The following GLG1 variants were observed in gnomAD, a reference collection of about 807,000 sequenced individuals.
GLG1 encodes the protein Golgi apparatus protein 1.
In GLG1, 38 loss-of-function variants were observed where a neutral mutation model predicts 160.5. That is an observed-to-expected ratio of 0.24 (90% confidence interval 0.18 to 0.31). GLG1 has a LOEUF of 0.31. GLG1 is among the 10% of genes least tolerant of loss of function. The probability of loss-of-function intolerance (pLI) is 1.00; values close to 1 mark genes in which losing one functional copy is unlikely to be tolerated. For synonymous variants in GLG1, 644 were observed against 543.4 expected, an observed-to-expected ratio of 1.19 and a Z score of -2.57; for missense variants, 1,373 against 1,505.2, an observed-to-expected ratio of 0.91 and a Z score of 1.45.
chr16:74,583,466 C>CA (rs1371674140), intron 1 of GLG1, among the ~76,000 whole-genome samples: 1 of 152,166 alleles, frequency 6.6e-6, no homozygotes, highest in African/African-American at 2.4e-5. Flanking sequence ...CTGCAACCTC[C>CA]ATCTCCCGGG....
At chr16:74,521,595 G>A (rs1164783361) in intron 2 of GLG1, among the ~76,000 whole-genome samples, 1 of 152,160 alleles carries the variant, frequency 6.6e-6, no homozygotes, top group Non-Finnish European at 1.5e-5. Context: ...AAGACTACAG[G>A]AAGAGAAGGT....
intron 3 of GLG1, among the ~76,000 whole-genome samples, chr16:74,504,022 G>C (rs1416798031): frequency 6.6e-6 from 1 of 152,164 alleles, no homozygotes; most frequent in Non-Finnish European, 1.5e-5. Flanking sequence ...CAAATGCTTA[G>C]GTAATGCTCA....
intron 16 of GLG1, 150 bp downstream of exon 16, chr16:74,469,835 T>C: frequency 3.1e-6 from 2 of 642,722 alleles, no homozygotes; most frequent in Non-Finnish European, 5.7e-6. Context: ...ACAGTCCGAG[T>C]GTTTGCCACG....
intron 1 of GLG1, chr16:74,563,161 G>A (rs1239695194): frequency 2.6e-5 from 4 of 152,138 alleles, no homozygotes; most frequent in Non-Finnish European, 4.4e-5. Context: ...GGGTCTTATG[G>A]TGCACCAATG....
At chr16:74,456,627 A>G in intron 25 of GLG1, 22 bp downstream of exon 25, 1 of 1,479,904 alleles carries the variant, frequency 6.8e-7, no homozygotes, top group Non-Finnish European at 9.4e-7. Flanking sequence ...TTTTTAAAAA[A>G]GGAGATTCTC....
At chr16:74,471,646 G>C (rs1328007093) in intron 14 of GLG1, among the ~76,000 whole-genome samples, 2 of 152,140 alleles carry the variant, frequency 1.3e-5, no homozygotes, top group African/African-American at 2.4e-5. Flanking sequence ...ATATGAAATA[G>C]TCAGAATTCA....
At chr16:74,593,194 T>C (rs568259438) in intron 1 of GLG1, among the ~76,000 whole-genome samples, 2 of 152,254 alleles carry the variant, frequency 1.3e-5, no homozygotes, top group Non-Finnish European at 1.5e-5. Flanking sequence ...TATTCTGTTA[T>C]AGCAACACAA....
In GLG1 at chr16:74,493,123, T is replaced by C; in HGVS notation, c.1068A>G (p.Thr356=). The C allele has an allele frequency of 6.2e-7, 1 of 1,612,020 alleles. No homozygotes were observed. The highest frequency in any genetic ancestry group is 1.3e-5 in the African/African-American group (1 of 74,930). The change falls in exon 7 of 26, where the codon ACA becomes ACG. Residue 356 remains threonine, a synonymous_variant. Coordinates refer to ENST00000422840, the MANE Select transcript of GLG1 (RefSeq NM_001145667.2). ...SMSEKCREAL[T]TRQKLIAQDY... ...CCTGGGCAATCAGCTTTTGGCGGGT[T>C]GTAAGTGCTTCTCGACACTGAGGAA...
intron 1 of GLG1, among the ~76,000 whole-genome samples, chr16:74,584,011 A>G (rs900574971): frequency 1.3e-5 from 2 of 152,160 alleles, no homozygotes; most frequent in African/African-American, 4.8e-5. Context: ...CTCCTTTGCT[A>G]CTAGTCTCCT....
chr16:74,495,733 T>G (rs558072922), intron 5 of GLG1, among the ~76,000 whole-genome samples: 476 of 152,230 alleles, frequency 3.1e-3, no homozygotes, highest in Non-Finnish European at 5.7e-3. Flanking sequence ...AGATCCTGGG[T>G]AAAATAAAAT....
intron 1 of GLG1, among the ~76,000 whole-genome samples, chr16:74,579,055 C>A (rs550958342): frequency 9.2e-5 from 14 of 152,272 alleles, no homozygotes; most frequent in Middle Eastern, 6.8e-3. Flanking sequence ...GTTGCAATAA[C>A]GTACACAAGC....
chr16:74,489,033 T>C (rs1253170668), intron 8 of GLG1, among the ~76,000 whole-genome samples: 1 of 152,322 alleles, frequency 6.6e-6, no homozygotes, highest in African/African-American at 2.4e-5. Flanking sequence ...GAAGTACTTA[T>C]GTATCTTTCA....
At chr16:74,604,040 C>T (rs569838388) in intron 1 of GLG1, among the ~76,000 whole-genome samples, 3 of 151,620 alleles carry the variant, frequency 2.0e-5, no homozygotes, top group African/African-American at 7.3e-5. Flanking sequence ...ACTCTAATCC[C>T]AGCACTTTGG....
chr16:74,573,341 T>A (rs9932735), intron 1 of GLG1, among the ~76,000 whole-genome samples: 111,097 of 151,590 alleles, frequency 0.73, 41,188 homozygotes, highest in African/African-American at 0.84. Context: ...ATATTTTTTT[T>A]AAAAATTGCT....
chr16:74,551,961 A>G (rs868579659), intron 1 of GLG1, among the ~76,000 whole-genome samples: 3 of 151,562 alleles, frequency 2.0e-5, no homozygotes, highest in African/African-American at 7.3e-5. Context: ...TCCTTTTCCT[A>G]CCAGTCCTTC....
chr16:74,605,694 C>G (rs752325785), intron 1 of GLG1, among the ~76,000 whole-genome samples: 1 of 151,962 alleles, frequency 6.6e-6, no homozygotes, highest in Non-Finnish European at 1.5e-5. Flanking sequence ...TTTCTACAAG[C>G]AAGTGGTCTT....
intron 16 of GLG1, 117 bp from the exon 17 acceptor site, chr16:74,469,180 T>G (rs79193356): frequency 9.9e-6 from 7 of 707,924 alleles, no homozygotes; most frequent in Non-Finnish European, 1.8e-5. Context: ...GGGGAATGTC[T>G]TTCCTGTAAG....
At chr16:74,474,232 G>A (rs1307595069) in intron 13 of GLG1, 5 of 205,112 alleles carry the variant, frequency 2.4e-5, no homozygotes, top group African/African-American at 4.6e-5. Flanking sequence ...GATTCAAGGC[G>A]TGAGCCACCG....
At chr16:74,556,090 T>TA (rs1194161909) in intron 1 of GLG1, among the ~76,000 whole-genome samples, 2 of 152,200 alleles carry the variant, frequency 1.3e-5, no homozygotes, top group Non-Finnish European at 2.9e-5. Context: ...GCTCCCACCT[T>TA]AGCCTCTCAA....
Sources: gnomAD v4.1 joint callset for allele counts (sites outside exome capture counted in the v4.1 genomes callset) on GRCh38, gnomAD v4.1.1 for gene constraint, MANE v1.5 for transcripts, NCBI Gene and HGNC (gene_info 2026-07-23, HGNC 2026-07-21) for gene names.